Variants in FAM120C observed in about 807,000 individuals in gnomAD.
FAM120C encodes family with sequence similarity 120 member C.
FAM120C carries 14 observed loss-of-function variants against 71.2 expected under a neutral mutation model. That is an observed-to-expected ratio of 0.20 (90% confidence interval 0.13 to 0.31). FAM120C has a LOEUF of 0.31. Among genes scored for constraint, FAM120C ranks in the 10% least tolerant of loss-of-function variants. The pLI is 1.00. For synonymous variants in FAM120C, 354 were observed against 353.2 expected (o/e 1.00, Z -0.03); for missense variants, 500 against 879.0 (o/e 0.57, Z 5.45).
intron 15 of FAM120C, among the ~76,000 whole-genome samples, chrX:54,078,714 G>A (rs2066748884): frequency 1.8e-5 from 2 of 110,566 alleles, no homozygotes; most frequent in African/African-American, 6.6e-5. Flanking sequence ...CTCAAGAAAT[G>A]GTAGCTGCTA....
intron 4 of FAM120C, among the ~76,000 whole-genome samples, chrX:54,145,951 T>C (rs1324049931): frequency 8.9e-6 from 1 of 112,229 alleles, no homozygotes. Flanking sequence ...ATGTGGCACA[T>C]ACACACCATG....
intron 4 of FAM120C, among the ~76,000 whole-genome samples, chrX:54,145,369 G>C (rs1470813906): frequency 2.7e-5 from 3 of 111,540 alleles, no homozygotes; most frequent in Non-Finnish European, 5.6e-5. Context: ...TACCATCAGA[G>C]TGAACAGGCA....
intron 11 of FAM120C, among the ~76,000 whole-genome samples, chrX:54,088,606 A>AC (rs1405063435): frequency 9.3e-6 from 1 of 106,957 alleles, no homozygotes; most frequent in Non-Finnish European, 1.9e-5. Context: ...AAAAAAAAAA[A>AC]AAAAAAACGA....
At position 54,080,302 on chromosome X, in the gene FAM120C, A is replaced by G; in HGVS notation, c.2979-13T>C. 1 of 1,191,106 alleles carries G rather than the reference A, an allele frequency of 8.4e-7. No individual in the cohort carries two copies. The highest frequency in any genetic ancestry group is 1.1e-6 in the Non-Finnish European group (1 of 878,743). On this transcript the variant is annotated splice_polypyrimidine_tract_variant and intron_variant, in intron 14 of 15. Coordinates refer to ENST00000375180, the MANE Select transcript of FAM120C (RefSeq NM_017848.6). The stretch of plus-strand genomic sequence containing the variant: ...TTCTTTTCCATGCCTTTAGCAAGTG[A>G]GAAAAAAAGTGATCATGAGAAACAT...
chrX:54,068,915 G>C lies in FAM120C; in HGVS notation c.*4118C>G, dbSNP rs933287432. The C allele has an allele frequency of 9.0e-6, 1 of 111,464 alleles. No individual in the cohort carries two copies. Among genetic ancestry groups the C allele is most frequent in the Non-Finnish European group, 1.9e-5 (1 of 53,102 alleles). The allele number at this position is 111,464 out of a possible 1,213,427, so 9.2% of individuals were successfully genotyped here. Reference sequence around the variant, plus strand: ...GTCATCAGATTTGGCTGGGTTATGAGAGATTAATAAAATCTGAAATATTTA... The same window carrying C: ...GTCATCAGATTTGGCTGGGTTATGACAGATTAATAAAATCTGAAATATTTA... On this transcript the variant is annotated 3_prime_UTR_variant, in exon 16 of 16. Transcript: ENST00000375180.
At chrX:54,160,395 G>A (rs1159843212) in intron 1 of FAM120C, among the ~76,000 whole-genome samples, 2 of 111,232 alleles carry the variant, frequency 1.8e-5, no homozygotes, top group Admixed American at 1.9e-4. Flanking sequence ...GGCTACGAGA[G>A]ATTGGCTGCC....
chrX:54,138,223 G>A (rs1432245256), intron 4 of FAM120C, among the ~76,000 whole-genome samples: 1 of 111,522 alleles, frequency 9.0e-6, no homozygotes, highest in Non-Finnish European at 1.9e-5. Flanking sequence ...CACATAAACT[G>A]GGCCTGGTGG....
intron 6 of FAM120C, 95 bp from the exon 7 acceptor site, chrX:54,135,206 G>A (rs782464849): frequency 1.2e-6 from 1 of 864,844 alleles, no homozygotes; most frequent in African/African-American, 2.0e-5. Context: ...GATGCCAGCA[G>A]TGGAGATTGT....
chrX:54,136,270 G>C, intron 5 of FAM120C, among the ~76,000 whole-genome samples: 1 of 112,031 alleles, frequency 8.9e-6, no homozygotes, highest in Non-Finnish European at 1.9e-5. Context: ...AAAGTGCTGG[G>C]ATTATAGGCG....
At chrX:54,147,992 C>T (rs928056661) in intron 4 of FAM120C, among the ~76,000 whole-genome samples, 1 of 111,288 alleles carries the variant, frequency 9.0e-6, no homozygotes, top group African/African-American at 3.3e-5. Flanking sequence ...CCACCACGTC[C>T]GGCCAATGTT....
intron 9 of FAM120C, among the ~76,000 whole-genome samples, chrX:54,127,514 C>T (rs1257747743): frequency 7.7e-5 from 8 of 103,395 alleles, no homozygotes; most frequent in Non-Finnish European, 1.4e-4. Flanking sequence ...TGGTGTGAAC[C>T]CGGGAGGTGG....
intron 4 of FAM120C, among the ~76,000 whole-genome samples, chrX:54,145,270 A>T (rs1411151722): frequency 7.1e-5 from 8 of 112,125 alleles, no homozygotes; most frequent in African/African-American, 9.7e-5. Context: ...GGACTTCATG[A>T]CTAAAACACC....
chrX:54,168,229 C>T (rs782027559), intron 1 of FAM120C, among the ~76,000 whole-genome samples: 6 of 111,642 alleles, frequency 5.4e-5, no homozygotes, highest in Admixed American at 4.7e-4. Flanking sequence ...CTCAGCCTCC[C>T]GAGCTCAAGC....
chrX:54,104,763 G>A, intron 10 of FAM120C, among the ~76,000 whole-genome samples: 1 of 109,038 alleles, frequency 9.2e-6, no homozygotes, highest in Middle Eastern at 4.7e-3. Flanking sequence ...AGCCAAGATC[G>A]TGCCACTGCA....
At chrX:54,128,866 T>C (rs2067043259) in intron 9 of FAM120C, among the ~76,000 whole-genome samples, 1 of 111,110 alleles carries the variant, frequency 9.0e-6, no homozygotes, top group Non-Finnish European at 1.9e-5. Context: ...CTCCCATGTC[T>C]ACTTCTTTCT....
At chrX:54,178,216 G>A (rs1557136889) in intron 1 of FAM120C, among the ~76,000 whole-genome samples, 2 of 111,870 alleles carry the variant, frequency 1.8e-5, no homozygotes. Flanking sequence ...GAAAGGACAG[G>A]GATTACTACT....
At chrX:54,078,243 G>A (rs1476791434) in intron 15 of FAM120C, among the ~76,000 whole-genome samples, 6 of 110,019 alleles carry the variant, frequency 5.5e-5, no homozygotes, top group Non-Finnish European at 7.6e-5. Flanking sequence ...GCGCCCGGCC[G>A]AGATCTACTC....
At chrX:54,113,927 A>G (rs1186531014) in intron 10 of FAM120C, among the ~76,000 whole-genome samples, 1 of 110,737 alleles carries the variant, frequency 9.0e-6, no homozygotes, top group Non-Finnish European at 1.9e-5. Flanking sequence ...AAAAAAAAGA[A>G]AAGAAAAAAA....
Position 54,133,889 on chromosome X carries a change from G to T in FAM120C, c.1774C>A (p.His592Asn). Residue 592 changes from histidine (H) to asparagine (N), a missense_variant, in exon 8 of 16, where the codon CAC (histidine) becomes AAC (asparagine). Physicochemically the swap from His to Asn is moderately conservative, Grantham distance 68. This residue lies in a region of FAM120C where 104 missense variants were observed against 254.5 expected (regional missense o/e 0.41). Transcript: ENST00000375180. ...PSLLSMSTRN[H>N]MDITIPPLPP... Reference sequence around the variant, plus strand: ...AAGGGTGGAATGGTGATATCCATGTGGTTCCTTGTAGACATAGACAGCAGA... The same window carrying T: ...AAGGGTGGAATGGTGATATCCATGTTGTTCCTTGTAGACATAGACAGCAGA... 1 of 1,211,527 alleles carries T rather than the reference G, an allele frequency of 8.3e-7. No individual in the cohort carries two copies. Among genetic ancestry groups the T allele is most frequent in the Non-Finnish European group, 1.1e-6 (1 of 895,482 alleles).
Sources: gnomAD v4.1 joint callset for allele counts (sites outside exome capture counted in the v4.1 genomes callset) on GRCh38, gnomAD v4.1.1 for gene constraint, gnomAD v4.1.1 regional missense constraint, MANE v1.5 for transcripts, NCBI Gene and HGNC (gene_info 2026-07-23, HGNC 2026-07-21) for gene names.